TCAF1: variants seen among roughly 807,000 people sequenced by gnomAD.
TCAF1 encodes the protein TRPM8 channel associated factor 1, also known as TRPM8 channel-associated factor 1.
In TCAF1, 4 loss-of-function variants were observed where a neutral mutation model predicts 27.3. The ratio of observed to expected loss-of-function variants is 0.15; its 90% confidence interval spans 0.07 to 0.34. The LOEUF (loss-of-function observed/expected upper bound fraction) is 0.34. TCAF1 is among the 10% of genes least tolerant of loss of function. The probability of loss-of-function intolerance (pLI) is 1.00; values close to 1 mark genes in which losing one functional copy is unlikely to be tolerated. For synonymous variants in TCAF1, 105 were observed against 167.1 expected (o/e 0.63, Z 2.87); for missense variants, 257 against 425.8 (o/e 0.60, Z 3.49).
chr7:143,878,768 T>G (rs1209505520), intron 1 of TCAF1, among the ~76,000 whole-genome samples: 1 of 152,170 alleles, frequency 6.6e-6, no homozygotes, highest in Non-Finnish European at 1.5e-5. Context: ...AGTATGTCTC[T>G]TCTCCCTGCT....
chr7:143,900,800 T>C (rs539924668), intron 1 of TCAF1, among the ~76,000 whole-genome samples: 36 of 152,342 alleles, frequency 2.4e-4, no homozygotes, highest in African/African-American at 8.7e-4. Context: ...GGATAAATTA[T>C]GTACATTTAC....
intron 1 of TCAF1, among the ~76,000 whole-genome samples, chr7:143,895,911 CAAAG>C (rs1221377486): frequency 1.8e-5 from 2 of 112,938 alleles, no homozygotes; most frequent in Middle Eastern, 0.011. Flanking sequence ...AAAAAATGGG[CAAAG>C]AAAGAAAGAA....
rs188592841 is a variant in TCAF1, at chr7:143,890,113, C to T, written c.-15+11848G>A. On this transcript the variant is annotated intron_variant, in intron 1 of 8. Coordinates refer to ENST00000479870, the MANE Select transcript of TCAF1 (RefSeq NM_014719.3). The stretch of plus-strand genomic sequence containing the variant: ...ACGCCATTCTCCTGCCTCAGCCTCC[C>T]GAGTAGCTGGGACTACAGGCACCCG... 3.5e-3 allele frequency among the ~76,000 whole-genome samples: 540 copies of T among 152,172 alleles called. 1 individual carries two copies. Among genetic ancestry groups the T allele is most frequent in the African/African-American group, 0.012 (505 of 41,524 alleles).
At chr7:143,881,399 G>T (rs1813012428) in intron 1 of TCAF1, among the ~76,000 whole-genome samples, 1 of 152,072 alleles carries the variant, frequency 6.6e-6, no homozygotes, top group Admixed American at 6.5e-5. Context: ...TCTCCTTCAT[G>T]CTGTTTTTTT....
intron 1 of TCAF1, chr7:143,881,950 C>G (rs1408603257): frequency 6.6e-6 from 1 of 152,324 alleles, no homozygotes; most frequent in Non-Finnish European, 1.5e-5. Flanking sequence ...CTGCCTACCC[C>G]CCAGCTGTTG....
chr7:143,894,574 A>G (rs1813788735), intron 1 of TCAF1, among the ~76,000 whole-genome samples: 1 of 151,814 alleles, frequency 6.6e-6, no homozygotes, highest in Admixed American at 6.6e-5. Context: ...AAATACTCTG[A>G]GATAAATTAT....
intron 1 of TCAF1, among the ~76,000 whole-genome samples, chr7:143,887,078 A>G (rs1813445095): frequency 6.6e-6 from 1 of 152,028 alleles, no homozygotes; most frequent in South Asian, 2.1e-4. Context: ...GCTAAATTTT[A>G]AATGCTGGAT....
At chr7:143,882,305 A>T (rs1813089765) in intron 1 of TCAF1, among the ~76,000 whole-genome samples, 1 of 152,134 alleles carries the variant, frequency 6.6e-6, no homozygotes, top group South Asian at 2.1e-4. Context: ...ATCAAAGGGC[A>T]GTAGGACAGT....
At chr7:143,892,640 A>G (rs1280192593) in intron 1 of TCAF1, among the ~76,000 whole-genome samples, 4 of 151,806 alleles carry the variant, frequency 2.6e-5, no homozygotes, top group Non-Finnish European at 5.9e-5. Flanking sequence ...CTTAAACCCA[A>G]TATTTATAGA....
chr7:143,880,866 C>A (rs1157685344), intron 1 of TCAF1, among the ~76,000 whole-genome samples: 1 of 152,218 alleles, frequency 6.6e-6, no homozygotes, highest in Non-Finnish European at 1.5e-5. Flanking sequence ...CATGTTTGTC[C>A]TCCAAGCTTG....
chr7:143,894,102 T>C (rs1407768667), intron 1 of TCAF1, among the ~76,000 whole-genome samples: 1 of 151,800 alleles, frequency 6.6e-6, no homozygotes, highest in Non-Finnish European at 1.5e-5. Context: ...CATATGCCAA[T>C]AAATTTAACA....
At chr7:143,860,613 G>C (rs1182219155) in intron 5 of TCAF1, among the ~76,000 whole-genome samples, 166 bp from the exon 6 acceptor site, 1 of 152,252 alleles carries the variant, frequency 6.6e-6, no homozygotes, top group Non-Finnish European at 1.5e-5. Context: ...GTGCAGGTTT[G>C]TTCCATAGGT....
At chr7:143,901,305 C>G (rs973898971) in intron 1 of TCAF1, among the ~76,000 whole-genome samples, 1 of 152,186 alleles carries the variant, frequency 6.6e-6, no homozygotes, top group African/African-American at 2.4e-5. Flanking sequence ...CTAGTTCGAG[C>G]TGTACTTCTT....
chr7:143,894,783 G>C (rs1039200203), intron 1 of TCAF1, among the ~76,000 whole-genome samples: 1 of 151,584 alleles, frequency 6.6e-6, no homozygotes, highest in South Asian at 2.1e-4. Flanking sequence ...GAAAAAGCAA[G>C]CCAAAGATTG....
chr7:143,859,935 T>TTTCCTTCCC (rs1811837606), intron 6 of TCAF1, among the ~76,000 whole-genome samples: 1 of 82,986 alleles, frequency 1.2e-5, no homozygotes, highest in Non-Finnish European at 2.2e-5. Flanking sequence ...TTATATAATA[T>TTTCCTTCCC]ATATTATATA....
At chr7:143,893,237 A>G (rs558792180) in intron 1 of TCAF1, among the ~76,000 whole-genome samples, 1 of 152,274 alleles carries the variant, frequency 6.6e-6, no homozygotes, top group South Asian at 2.1e-4. Context: ...AAAATTTTAA[A>G]TTTGTATCCT....
chr7:143,874,505 C>A (rs1426404609), intron 2 of TCAF1, among the ~76,000 whole-genome samples: 2 of 121,838 alleles, frequency 1.6e-5, no homozygotes, highest in Non-Finnish European at 3.4e-5. Flanking sequence ...ATTTTCAAAC[C>A]AAATTTATGG....
At position 143,851,588 on chromosome 7, in the gene TCAF1, T is replaced by C. The variant is rs1361519926; in HGVS notation, c.*2545A>G. 6 of 152,400 alleles carry C rather than the reference T, an allele frequency of 3.9e-5. No homozygotes were observed. The East Asian group carries it at 1.2e-3, about 29-fold the overall frequency. The allele number at this position is 152,400 out of a possible 1,614,324, so 9.4% of individuals were successfully genotyped here. On this transcript the variant is annotated 3_prime_UTR_variant, in exon 9 of 9. Coordinates refer to ENST00000479870, the MANE Select transcript of TCAF1 (RefSeq NM_014719.3). ...AACTTTAAATAATATGTTTGAGCAA[T>C]AATTTCTTGACTTACTGACTTTACA...
intron 6 of TCAF1, among the ~76,000 whole-genome samples, chr7:143,859,688 C>A (rs1370765448): frequency 1.1e-4 from 16 of 144,554 alleles, no homozygotes; most frequent in Non-Finnish European, 1.9e-4. Context: ...AGGCAAAGAT[C>A]GCTTTATTCA....
Sources: allele counts gnomAD v4.1 joint callset (sites outside exome capture counted in the v4.1 genomes callset), GRCh38; gene constraint gnomAD v4.1.1; transcripts MANE v1.5; gene names NCBI Gene and HGNC (gene_info 2026-07-23, HGNC 2026-07-21).